The following SLC19A1 variants were observed in gnomAD, a reference collection of about 807,000 sequenced individuals.
SLC19A1 encodes reduced folate transporter.
In SLC19A1, 37 loss-of-function variants were observed where a neutral mutation model predicts 35.3. That is an observed-to-expected ratio of 1.05 (90% CI 0.81 to 1.38). SLC19A1 has a LOEUF of 1.38. Among genes scored for constraint, SLC19A1 ranks in the 40% most tolerant of loss-of-function variants. SLC19A1 has a pLI of 0.00. For missense variants in SLC19A1, 831 were observed against 826.9 expected (o/e 1.00, Z -0.06); for synonymous variants, 460 against 398.5 (o/e 1.15, Z -1.84).
chr21:45,553,448 T>C (rs1235070221), intron 1 of SLC19A1, among the ~76,000 whole-genome samples: 1 of 151,974 alleles, frequency 6.6e-6, no homozygotes, highest in Non-Finnish European at 1.5e-5. Context: ...GTTATTATTT[T>C]GTATTTTTTT....
At chr21:45,509,522 AC>A, downstream of SLC19A1, 1 of 1,535,126 alleles carries the variant, frequency 6.5e-7, no homozygotes, top group Non-Finnish European at 8.8e-7. Context: ...GGAGCCCCGC[AC>A]CACAGCTCCT....
At chr21:45,509,677 G>C, downstream of SLC19A1, 1 of 850,148 alleles carries the variant, frequency 1.2e-6, no homozygotes, top group South Asian at 1.4e-5. Context: ...CCCAGCCCCT[G>C]CAGAGCTGCT....
chr21:45,508,133 G>A (rs533603417), downstream of SLC19A1, among the ~76,000 whole-genome samples: 20 of 151,854 alleles, frequency 1.3e-4, no homozygotes, highest in African/African-American at 4.8e-4. Flanking sequence ...ACGGGTGGGT[G>A]GGTGGATGGA....
chr21:45,511,962 G>A (rs147330542), downstream of SLC19A1, among the ~76,000 whole-genome samples: 83 of 152,206 alleles, frequency 5.5e-4, no homozygotes, highest in Middle Eastern at 3.4e-3. Context: ...CCCCTCTGCC[G>A]TGGGTGTGTC....
In SLC19A1 at chr21:45,534,157, A is replaced by G. The variant is rs1311401057; in HGVS notation, c.190-2009T>C. Among the ~76,000 whole-genome samples, 1 of 152,230 alleles carries G rather than the reference A, an allele frequency of 6.6e-6. No homozygotes were observed. Among genetic ancestry groups the G allele is most frequent in the African/African-American group, 2.4e-5 (1 of 41,460 alleles). ...GCTGAGTGAGCCCGCCGGGTCACAG[A>G]GAGCCTCAGGGCCAGCCATCGGCTT... On this transcript the variant is annotated intron_variant, in intron 2 of 5. Transcript: ENST00000311124. The surrounding 1 kb of genome is among the most constrained non-coding windows in gnomAD (Gnocchi z 4.2).
rs2330183 is a variant in SLC19A1 at position 45,533,378 on chromosome 21, C to A, written c.190-1230G>T. Among the ~76,000 whole-genome samples the A allele has an allele frequency of 6.6e-6, 1 of 151,992 alleles. No individual in the cohort carries two copies. Among genetic ancestry groups the A allele is most frequent in the African/African-American group, 2.4e-5 (1 of 41,396 alleles). Reference sequence around the variant, plus strand: ...ACAGGCAGGCACCAAACGTCCTCAGCTGTCTTGGCAGGGGCCAGGGCTGCT... The same window carrying A: ...ACAGGCAGGCACCAAACGTCCTCAGATGTCTTGGCAGGGGCCAGGGCTGCT... On this transcript the variant is annotated intron_variant, in intron 2 of 5. Transcript: ENST00000311124. The surrounding 1 kb of genome is among the most constrained non-coding windows in gnomAD (Gnocchi z 4.5).
chr21:45,538,615 T>C (rs1390530517), intron 1 of SLC19A1, among the ~76,000 whole-genome samples: 3 of 151,954 alleles, frequency 2.0e-5, no homozygotes, highest in Admixed American at 1.3e-4. Flanking sequence ...AAGCCCACAG[T>C]GAGGGAAGGG....
intron 1 of SLC19A1, among the ~76,000 whole-genome samples, chr21:45,538,991 G>A (rs983356414): frequency 6.6e-6 from 1 of 152,174 alleles, no homozygotes. Flanking sequence ...AGGCTCCTCC[G>A]GTGCGGGCAA....
At chr21:45,538,073 A>C in intron 1 of SLC19A1, 65 bp from the exon 2 acceptor site, 14 of 917,410 alleles carry the variant, frequency 1.5e-5, no homozygotes, top group Admixed American at 3.5e-5. Context: ...ACCCCGCAAA[A>C]CGAGGCCCAG....
chr21:45,537,794 C>G lies in SLC19A1; in HGVS notation c.166G>C (p.Asp56His), dbSNP rs146321452. ...SFITPYLLGPDKNFTREQVTN... is the reference protein window; with the variant it reads ...SFITPYLLGPHKNFTREQVTN... ...GCCTGCTCCCGCGTGAAGTTCTTGT[C>G]GGGCCCCAGGAGGTAGGGGGTGATG... The change falls in exon 2 of 6, where the codon GAC (aspartate) becomes CAC (histidine). Residue 56 changes from aspartate to histidine, a missense_variant. Transcript: ENST00000311124. 569 of 1,425,650 alleles carry G rather than the reference C, an allele frequency of 4.0e-4. 3 individuals carry two copies. In the African/African-American group the frequency reaches 6.3e-3, roughly 16 times the overall value. The allele number at this position is 1,425,650 out of a possible 1,614,324, so 88.3% of individuals were successfully genotyped here. A position where few individuals can be genotyped will look rare whatever the true frequency, so the allele number is the denominator to read the frequency against.
intron 1 of SLC19A1, among the ~76,000 whole-genome samples, chr21:45,555,732 G>A (rs942244380): frequency 2.0e-5 from 3 of 152,074 alleles, no homozygotes; most frequent in African/African-American, 4.8e-5. Context: ...GGCTCCACGC[G>A]AACGGCGGGC....
At chr21:45,510,364 C>G (rs991774953), downstream of SLC19A1, 2 of 1,298,334 alleles carry the variant, frequency 1.5e-6, no homozygotes, top group Non-Finnish European at 2.2e-6. Context: ...TGGAGGCCAC[C>G]ATGTTACAGA....
At chr21:45,518,821 A>G (rs916500088) in intron 5 of SLC19A1, among the ~76,000 whole-genome samples, 3 of 152,238 alleles carry the variant, frequency 2.0e-5, no homozygotes, top group African/African-American at 7.2e-5. Flanking sequence ...AACTAAGAGA[A>G]GAAATTTGTA....
chr21:45,524,575 A>G (rs1453223020), intron 5 of SLC19A1, among the ~76,000 whole-genome samples: 94 of 8,290 alleles, frequency 0.011, no homozygotes, highest in Middle Eastern at 0.045. Flanking sequence ...CCTGGGCCTC[A>G]GAGGCTCACC....
upstream of SLC19A1, among the ~76,000 whole-genome samples, chr21:45,549,000 G>A (rs1325317456): frequency 2.6e-5 from 4 of 152,144 alleles, no homozygotes; most frequent in African/African-American, 4.8e-5. Flanking sequence ...AGTTTAACAC[G>A]TGTCTACTTT....
chr21:45,531,355 C>A (rs369669450), intron 3 of SLC19A1, 34 bp downstream of exon 3: 3 of 1,539,878 alleles, frequency 1.9e-6, no homozygotes, highest in South Asian at 1.3e-5. Context: ...GAAGCCTCTG[C>A]GGGAAGAAGC....
In SLC19A1 at chr21:45,512,613, T is replaced by A. The variant is rs2037677503; in HGVS notation, c.*3045A>T. The A allele has an allele frequency of 6.6e-6, 4 of 604,036 alleles. No homozygotes were observed. The African/African-American group carries it at 7.4e-5, about 11-fold the overall frequency. The allele number at this position is 604,036 out of a possible 1,614,324, so 37.4% of individuals were successfully genotyped here. The stretch of plus-strand genomic sequence containing the variant: ...CAGAAGCCTGATGCTGACATTCACC[T>A]GCCCCAACTCTCCCCTGACCTGTGA... On this transcript the variant is annotated 3_prime_UTR_variant, in exon 6 of 6. Transcript: ENST00000311124.
intron 5 of SLC19A1, 66 bp from the exon 6 acceptor site, chr21:45,516,206 C>G: frequency 7.8e-7 from 1 of 1,280,704 alleles, no homozygotes; most frequent in Non-Finnish European, 1.1e-6. Flanking sequence ...CCCTACACCC[C>G]GACGCCTGCT....
At chr21:45,507,544 C>T (rs755505645) in intron 3 of SLC19A1, 1 of 1,611,500 alleles carries the variant, frequency 6.2e-7, no homozygotes, top group South Asian at 1.1e-5. Flanking sequence ...CTGGGTGACC[C>T]TGCTGCTTTC....
Sources: allele counts gnomAD v4.1 joint callset (sites outside exome capture counted in the v4.1 genomes callset), GRCh38; gene constraint gnomAD v4.1.1; non-coding constraint Gnocchi (gnomAD v3.1); transcripts MANE v1.5; gene names NCBI Gene and HGNC (gene_info 2026-07-23, HGNC 2026-07-21).